RP1: variants seen among roughly 807,000 people sequenced by gnomAD.
RP1 encodes RP1 axonemal microtubule associated.
Under a neutral mutation model 14.8 loss-of-function variants are expected in RP1, and 16 were observed. The ratio of observed to expected loss-of-function variants is 1.08; its 90% confidence interval spans 0.73 to 1.65. RP1 has a LOEUF of 1.65. RP1 is among the 40% of genes most tolerant of loss of function. The pLI is 0.00. For synonymous variants in RP1, 876 were observed against 883.6 expected (o/e 0.99, Z 0.15); for missense variants, 2,631 against 2,535.0 (o/e 1.04, Z -0.81).
intron 1 of RP1, among the ~76,000 whole-genome samples, chr8:54,617,420 T>C (rs551448652): frequency 2.0e-5 from 3 of 152,360 alleles, no homozygotes; most frequent in Admixed American, 6.5e-5. Flanking sequence ...TTCTTAAAAC[T>C]GATTAAGAAT....
chr8:54,602,866 C>A (rs1416460009), intron 1 of RP1, among the ~76,000 whole-genome samples: 1 of 152,082 alleles, frequency 6.6e-6, no homozygotes, highest in Non-Finnish European at 1.5e-5. Context: ...TATCCTTTGC[C>A]CACTTGTTGA....
chr8:54,684,110 A>G (rs1807498191), intron 12 of RP1, among the ~76,000 whole-genome samples: 1 of 150,620 alleles, frequency 6.6e-6, no homozygotes, highest in African/African-American at 2.4e-5. Context: ...GTGATGAATT[A>G]CATTTATTGA....
intron 1 of RP1, among the ~76,000 whole-genome samples, chr8:54,604,080 T>C (rs1805364555): frequency 6.6e-6 from 1 of 152,196 alleles, no homozygotes. Flanking sequence ...CTATGTTGAA[T>C]AGGAGTGGTG....
At chr8:54,761,671 C>T (rs1168337438) in intron 22 of RP1, among the ~76,000 whole-genome samples, 1 of 152,102 alleles carries the variant, frequency 6.6e-6, no homozygotes, top group African/African-American at 2.4e-5. Context: ...ATATATTGAA[C>T]AATCCCAAAT....
intron 19 of RP1, among the ~76,000 whole-genome samples, chr8:54,748,200 T>A (rs1809274893): frequency 6.6e-6 from 1 of 152,238 alleles, no homozygotes; most frequent in African/African-American, 2.4e-5. Context: ...AAGTATCTCA[T>A]AAATATTTCT....
rs1002516680 is a variant in RP1, at chr8:54,621,440, C to T, written c.474C>T (p.Val158=). The T allele has an allele frequency of 1.5e-5, 24 of 1,613,756 alleles. No homozygotes were observed. The highest frequency in any genetic ancestry group is 6.7e-5 in the African/African-American group (5 of 74,916). ...CCCGCCCCCCACGGAGCCTAGTGGT[C>T]TTCAGGAATGGCGACCCGAAGACGA... ...GMPRPPRSLV[V]FRNGDPKTRR... is the part of the protein sequence containing the mutation. Residue 158 remains valine, a synonymous_variant, in exon 2 of 4, where the codon GTC becomes GTT. Coordinates refer to ENST00000220676, the MANE Select transcript of RP1 (RefSeq NM_006269.2).
intron 5 of RP1, among the ~76,000 whole-genome samples, chr8:54,653,029 T>A (rs974587478): frequency 6.6e-6 from 1 of 152,176 alleles, no homozygotes; most frequent in African/African-American, 2.4e-5. Context: ...ATTAATTAAT[T>A]CTTAATTGAT....
At chr8:54,846,239 G>C (rs1563394467) in intron 25 of RP1, among the ~76,000 whole-genome samples, 1 of 152,176 alleles carries the variant, frequency 6.6e-6, no homozygotes, top group African/African-American at 2.4e-5. Flanking sequence ...ACATTCATTT[G>C]AGAAACAGAC....
At chr8:54,840,809 T>C (rs1811774212) in intron 25 of RP1, among the ~76,000 whole-genome samples, 1 of 152,048 alleles carries the variant, frequency 6.6e-6, no homozygotes, top group African/African-American at 2.4e-5. Flanking sequence ...TTAAAGGGGG[T>C]AATTTCTTAG....
intron 24 of RP1, among the ~76,000 whole-genome samples, chr8:54,786,849 T>A (rs932955199): frequency 1.3e-5 from 2 of 152,144 alleles, no homozygotes; most frequent in African/African-American, 4.8e-5. Context: ...TGGCCCAATA[T>A]AAATTTGGAT....
At chr8:54,711,071 C>G (rs1201524595) in intron 15 of RP1, among the ~76,000 whole-genome samples, 1 of 152,142 alleles carries the variant, frequency 6.6e-6, no homozygotes, top group Non-Finnish European at 1.5e-5. Flanking sequence ...ATGTATCTGG[C>G]TCTACCAATG....
rs531860501 is a variant in RP1 at position 54,754,370 on chromosome 8, A to T, written c.2809-433A>T. Among the ~76,000 whole-genome samples, 34 of 152,196 alleles carry T rather than the reference A, an allele frequency of 2.2e-4. 1 individual carries two copies. The South Asian group carries it at 6.4e-3, about 29-fold the overall frequency. On this transcript the variant is annotated intron_variant, in intron 19 of 22. Transcript: ENST00000636932. ...TTTTTTAAATCACTACCACAGGTGA[A>T]ATTGAGAGCTTTGAATCTGCTAGAG...
chr8:54,763,099 A>C (rs1167479493), intron 22 of RP1, among the ~76,000 whole-genome samples: 1 of 152,080 alleles, frequency 6.6e-6, no homozygotes, highest in Non-Finnish European at 1.5e-5. Flanking sequence ...TTTTGAGTGG[A>C]TTCTGTAATG....
rs548997525 is a variant in RP1, at chr8:54,582,583, T to A, written c.-13+23263T>A. On this transcript the variant is annotated intron_variant, in intron 1 of 22. Transcript: ENST00000636932. ...ATGGGGATGGCATTGAATCTATAAA[T>A]TACCTTGAGCAGTGTGGCCATTTTC... Among the ~76,000 whole-genome samples, 602 of 152,260 alleles carry A rather than the reference T, an allele frequency of 4.0e-3. 2 individuals are homozygous for A. Among genetic ancestry groups the A allele is most frequent in the African/African-American group, 0.013 (529 of 41,530 alleles).
At chr8:54,604,187 C>A (rs1805368523) in intron 1 of RP1, among the ~76,000 whole-genome samples, 2 of 152,122 alleles carry the variant, frequency 1.3e-5, no homozygotes, top group Admixed American at 1.3e-4. Flanking sequence ...TCATAGATAG[C>A]TCTTATTATT....
downstream of RP1, among the ~76,000 whole-genome samples, chr8:54,633,737 C>CTCTCTCTCTCTCTA (rs1236298691): frequency 1.3e-4 from 15 of 118,804 alleles, no homozygotes; most frequent in South Asian, 6.3e-4. Context: ...CTCTCTCTCT[C>CTCTCTCTCTCTCTA]TATATATATA....
intron 1 of RP1, among the ~76,000 whole-genome samples, chr8:54,592,695 T>A (rs146279413): frequency 1.3e-5 from 2 of 152,258 alleles, no homozygotes; most frequent in African/African-American, 4.8e-5. Context: ...GTGAGGTGGT[T>A]GCTAAATTAG....
chr8:54,738,191 A>G (rs771015146), intron 18 of RP1, among the ~76,000 whole-genome samples: 1 of 152,242 alleles, frequency 6.6e-6, no homozygotes, highest in African/African-American at 2.4e-5. Context: ...AATTTTATGC[A>G]GAAAGCATTA....
chr8:54,633,737 C>CTCTCTCTATATATA (rs1236298691), downstream of RP1, among the ~76,000 whole-genome samples: 10 of 118,802 alleles, frequency 8.4e-5, no homozygotes, highest in Middle Eastern at 4.5e-3. Context: ...CTCTCTCTCT[C>CTCTCTCTATATATA]TATATATATA....
Sources: gnomAD v4.1 joint callset for allele counts (sites outside exome capture counted in the v4.1 genomes callset) on GRCh38, gnomAD v4.1.1 for gene constraint, MANE v1.5 for transcripts, NCBI Gene and HGNC (gene_info 2026-07-23, HGNC 2026-07-21) for gene names.